The following HPSE2 variants were observed in gnomAD, a reference collection of about 807,000 sequenced individuals.
The protein encoded by HPSE2 is heparanase 2 (inactive), also known as inactive heparanase-2.
Under a neutral mutation model 60.5 loss-of-function variants are expected in HPSE2, and 38 were observed. That is an observed-to-expected ratio of 0.63 (90% CI 0.48 to 0.82). HPSE2 has a LOEUF of 0.82. HPSE2 is among the 40% of genes least tolerant of loss of function. The pLI, the probability that HPSE2 is intolerant of heterozygous loss-of-function variation, is 0.00. For missense variants in HPSE2, 713 were observed against 740.4 expected (o/e 0.96, Z 0.43); for synonymous variants, 295 against 293.2 (o/e 1.01, Z -0.06).
chr10:98,985,499 C>T (rs1252042009), intron 3 of HPSE2, among the ~76,000 whole-genome samples: 4 of 152,202 alleles, frequency 2.6e-5, no homozygotes, highest in Admixed American at 2.6e-4. Flanking sequence ...AAGCACTAAA[C>T]ATGGAAAGGA....
intron 9 of HPSE2, among the ~76,000 whole-genome samples, chr10:98,498,396 C>A (rs1941922379): frequency 6.6e-6 from 1 of 152,154 alleles, no homozygotes; most frequent in Non-Finnish European, 1.5e-5. Flanking sequence ...AGACAGACAA[C>A]AATCACTGCA....
At chr10:99,195,314 C>T (rs916548216) in intron 2 of HPSE2, among the ~76,000 whole-genome samples, 1 of 151,918 alleles carries the variant, frequency 6.6e-6, no homozygotes. Context: ...AAGACAAGTG[C>T]ACCCAATTAC....
At chr10:98,735,510 TG>T (rs1228713988) in intron 4 of HPSE2, among the ~76,000 whole-genome samples, 3 of 151,522 alleles carry the variant, frequency 2.0e-5, no homozygotes, top group Non-Finnish European at 4.4e-5. Flanking sequence ...AGTAGAGCCA[TG>T]AGAAGAGGGC....
intron 3 of HPSE2, among the ~76,000 whole-genome samples, chr10:99,138,053 A>G (rs1409536009): frequency 2.0e-5 from 3 of 152,184 alleles, no homozygotes; most frequent in Non-Finnish European, 4.4e-5. Context: ...AAGAAAAAAC[A>G]AACAACCCCA....
chr10:98,637,890 G>C (rs964642613), intron 7 of HPSE2, among the ~76,000 whole-genome samples: 1 of 152,096 alleles, frequency 6.6e-6, no homozygotes, highest in African/African-American at 2.4e-5. Flanking sequence ...TATAATCCCA[G>C]CACTTTGGGA....
chr10:99,043,030 A>T (rs1163628455), intron 3 of HPSE2, among the ~76,000 whole-genome samples: 2 of 152,200 alleles, frequency 1.3e-5, no homozygotes, highest in Admixed American at 1.3e-4. Flanking sequence ...CACTAAAAAC[A>T]TCCAGAAACG....
chr10:98,575,756 A>G (rs1944623927), intron 9 of HPSE2, among the ~76,000 whole-genome samples: 1 of 152,318 alleles, frequency 6.6e-6, no homozygotes, highest in South Asian at 2.1e-4. Flanking sequence ...CATGGTGCAG[A>G]TTCTTGACTT....
At chr10:98,602,539 A>T (rs1293035429) in intron 9 of HPSE2, among the ~76,000 whole-genome samples, 2 of 152,162 alleles carry the variant, frequency 1.3e-5, no homozygotes, top group African/African-American at 4.8e-5. Flanking sequence ...AAACTACAGT[A>T]ATCAAGAGAT....
chr10:98,843,210 G>A (rs1430304450), intron 3 of HPSE2, among the ~76,000 whole-genome samples: 2 of 151,774 alleles, frequency 1.3e-5, no homozygotes, highest in South Asian at 2.1e-4. Flanking sequence ...TCCACCCTCC[G>A]ATAGGCCCCA....
At chr10:98,951,351 C>T (rs1274979265) in intron 3 of HPSE2, among the ~76,000 whole-genome samples, 1 of 152,142 alleles carries the variant, frequency 6.6e-6, no homozygotes, top group Admixed American at 6.5e-5. Flanking sequence ...AATATACTGT[C>T]TTCATGAAGA....
At chr10:98,922,778 C>G (rs1448222988) in intron 3 of HPSE2, among the ~76,000 whole-genome samples, 2 of 152,160 alleles carry the variant, frequency 1.3e-5, no homozygotes, top group Non-Finnish European at 2.9e-5. Context: ...ACTAAAAAAA[C>G]TCCACATGTT....
chr10:98,927,327 G>A (rs1366262815), intron 3 of HPSE2, among the ~76,000 whole-genome samples: 2 of 152,014 alleles, frequency 1.3e-5, no homozygotes, highest in East Asian at 3.9e-4. Flanking sequence ...ACTGCTCAAG[G>A]AAATAAAAGA....
intron 9 of HPSE2, among the ~76,000 whole-genome samples, chr10:98,584,383 T>A (rs1194450029): frequency 6.6e-6 from 1 of 152,162 alleles, no homozygotes; most frequent in Admixed American, 6.5e-5. Flanking sequence ...CACCTCTTAC[T>A]GTCCTTAGTA....
intron 9 of HPSE2, among the ~76,000 whole-genome samples, chr10:98,594,476 C>T (rs1177267949): frequency 2.0e-5 from 3 of 151,896 alleles, no homozygotes; most frequent in Middle Eastern, 3.4e-3. Flanking sequence ...TTTAGGATTT[C>T]CTTATATAAG....
chr10:99,056,493 T>C (rs1958116711), intron 3 of HPSE2, among the ~76,000 whole-genome samples: 1 of 152,106 alleles, frequency 6.6e-6, no homozygotes. Flanking sequence ...GCTGTTAATC[T>C]GAGAAGAAAA....
intron 5 of HPSE2, among the ~76,000 whole-genome samples, chr10:98,718,423 C>T (rs547738547): frequency 6.6e-6 from 1 of 152,132 alleles, no homozygotes; most frequent in Non-Finnish European, 1.5e-5. Context: ...GCTTACCCAG[C>T]AATCCCACCT....
At chr10:98,468,143 C>G (rs1033350506) in intron 11 of HPSE2, among the ~76,000 whole-genome samples, 13 of 152,238 alleles carry the variant, frequency 8.5e-5, no homozygotes, top group Non-Finnish European at 7.3e-5. Flanking sequence ...CCCGAGGAGG[C>G]CCAGTCAGGT....
At chr10:99,204,836 T>G (rs1417994848) in intron 2 of HPSE2, among the ~76,000 whole-genome samples, 1 of 152,220 alleles carries the variant, frequency 6.6e-6, no homozygotes. Context: ...ACAAAATATA[T>G]GTAGATAGTA....
At chr10:98,557,081 T>C (rs1347370641) in intron 9 of HPSE2, among the ~76,000 whole-genome samples, 1 of 151,840 alleles carries the variant, frequency 6.6e-6, no homozygotes, top group Admixed American at 6.6e-5. Context: ...GGCATGGTGG[T>C]GGGCGCCTGT....
Sources: allele counts gnomAD v4.1 joint callset (sites outside exome capture counted in the v4.1 genomes callset), GRCh38; gene constraint gnomAD v4.1.1; transcripts MANE v1.5; gene names NCBI Gene and HGNC (gene_info 2026-07-23, HGNC 2026-07-21).